INPP4B: variants seen among roughly 807,000 people sequenced by gnomAD.
INPP4B encodes the protein inositol polyphosphate-4-phosphatase type II B.
A neutral mutation model predicts 122.5 loss-of-function variants in INPP4B; 55 were observed. That is an observed-to-expected ratio of 0.45 (90% CI 0.36 to 0.56). The LOEUF is 0.56. INPP4B is among the 20% of genes least tolerant of loss of function. The pLI is 0.00. For synonymous variants in INPP4B, 403 were observed against 388.7 expected, an observed-to-expected ratio of 1.04 and a Z score of -0.43; for missense variants, 1,000 against 1,097.7, an observed-to-expected ratio of 0.91 and a Z score of 1.26.
chr4:142,234,987 G>A (rs1488062515), intron 12 of INPP4B, among the ~76,000 whole-genome samples: 1 of 152,162 alleles, frequency 6.6e-6, no homozygotes, highest in East Asian at 1.9e-4. Context: ...TAATGACAGT[G>A]GCTATGCCTA....
At chr4:142,632,105 G>A (rs1366816388) in intron 2 of INPP4B, among the ~76,000 whole-genome samples, 1 of 152,128 alleles carries the variant, frequency 6.6e-6, no homozygotes, top group Admixed American at 6.6e-5. Flanking sequence ...CAACAACAAG[G>A]TTTGACATGT....
At position 142,488,934 on chromosome 4, in the gene INPP4B, C is replaced by T. The variant is rs78002507; in HGVS notation, c.-190-26208G>A. 4.0e-4 allele frequency among the ~76,000 whole-genome samples: 61 copies of T among 151,958 alleles called. 1 individual carries two copies. The highest frequency in any genetic ancestry group is 3.6e-3 in the Admixed American group (55 of 15,238). On this transcript the variant is annotated intron_variant, in intron 2 of 25. Coordinates refer to ENST00000262992, the MANE Select transcript of INPP4B (RefSeq NM_001101669.3). ...TACTCTCCCTTTTCAAGCCTTTTAA[C>T]GTGAAAACTTAGTTAACTAATATGA...
intron 2 of INPP4B, among the ~76,000 whole-genome samples, chr4:142,713,220 A>C (rs1166334873): frequency 1.3e-5 from 2 of 152,208 alleles, no homozygotes. Flanking sequence ...AATCTATAGA[A>C]GGAAGAGATT....
chr4:142,296,556 A>G (rs1758775703), intron 9 of INPP4B, among the ~76,000 whole-genome samples: 1 of 152,242 alleles, frequency 6.6e-6, no homozygotes, highest in Admixed American at 6.5e-5. Context: ...TATGTGTCAG[A>G]CACTGTTGTA....
At chr4:142,270,044 G>A (rs1274543171) in intron 10 of INPP4B, among the ~76,000 whole-genome samples, 1 of 152,070 alleles carries the variant, frequency 6.6e-6, no homozygotes, top group African/African-American at 2.4e-5. Context: ...TAGTGAAAAG[G>A]AACAGAAAGA....
chr4:142,537,447 G>T (rs1273742560), intron 2 of INPP4B, among the ~76,000 whole-genome samples: 54 of 109,184 alleles, frequency 4.9e-4, no homozygotes, highest in African/African-American at 1.2e-3. Context: ...GAGAGAGAGA[G>T]AGAGAGAGAG....
intron 18 of INPP4B, among the ~76,000 whole-genome samples, chr4:142,142,188 G>A (rs570250670): frequency 1.1e-4 from 17 of 152,034 alleles, no homozygotes; most frequent in African/African-American, 4.1e-4. Context: ...AAATGGCTTG[G>A]GCTGGGATAA....
At position 142,803,183 on chromosome 4, in the gene INPP4B, AAAAGAAAG is replaced by A. The variant is rs1255828470; in HGVS notation, c.-254+43018_-254+43025del. Among the ~76,000 whole-genome samples, 298 of 146,802 alleles carry A rather than the reference AAAAGAAAG, an allele frequency of 2.0e-3. 2 individuals carry two copies. The highest frequency in any genetic ancestry group is 7.1e-3 in the Middle Eastern group (2 of 282). On this transcript the variant is annotated intron_variant, in intron 1 of 25. Coordinates refer to ENST00000262992, the MANE Select transcript of INPP4B (RefSeq NM_001101669.3). Reference sequence around the variant, plus strand: ...TGAGACTACGTCTCAAAAAAAAAAAAAAAGAAAGAAAGAAAGAAAGAAATGAAACATCA... The same window carrying A: ...TGAGACTACGTCTCAAAAAAAAAAAAAAAGAAAGAAAGAAATGAAACATCA...
intron 18 of INPP4B, among the ~76,000 whole-genome samples, chr4:142,125,881 T>C (rs1345643269): frequency 6.6e-6 from 1 of 152,092 alleles, no homozygotes; most frequent in Non-Finnish European, 1.5e-5. Flanking sequence ...TAAGTTTTAA[T>C]TGAATGAGAA....
intron 2 of INPP4B, among the ~76,000 whole-genome samples, chr4:142,504,547 C>T (rs1368258887): frequency 6.6e-6 from 1 of 152,082 alleles, no homozygotes; most frequent in Non-Finnish European, 1.5e-5. Flanking sequence ...TATTGTTCTT[C>T]TGTTCATTTG....
At chr4:142,481,236 G>T (rs1488937894) in intron 2 of INPP4B, among the ~76,000 whole-genome samples, 1 of 151,662 alleles carries the variant, frequency 6.6e-6, no homozygotes, top group Non-Finnish European at 1.5e-5. Flanking sequence ...ACTAGAAGCT[G>T]ATCTTTCTCC....
At chr4:142,628,377 C>T (rs1747038302) in intron 2 of INPP4B, among the ~76,000 whole-genome samples, 2 of 132,706 alleles carry the variant, frequency 1.5e-5, no homozygotes, top group Admixed American at 1.6e-4. Flanking sequence ...CACATGGACA[C>T]AGGAAGGGGA....
chr4:142,550,589 T>TATAC lies in INPP4B; in HGVS notation c.-190-87864_-190-87863insGTAT, dbSNP rs377548203. Among the ~76,000 whole-genome samples the TATAC allele has an allele frequency of 7.4e-4, 104 of 140,574 alleles. 1 individual carries two copies. The highest frequency in any genetic ancestry group is 3.1e-3 in the Admixed American group (42 of 13,542). The allele number at this position is 140,574 out of a possible 152,430, so 92.2% of individuals were successfully genotyped here. A position where few individuals can be genotyped will look rare whatever the true frequency, so the allele number is the denominator to read the frequency against. On this transcript the variant is annotated intron_variant, in intron 2 of 25. Coordinates refer to ENST00000262992, the MANE Select transcript of INPP4B (RefSeq NM_001101669.3). Reference sequence around the variant, plus strand: ...CTTTCATCATTATATATGTAATATATACACACACACACACACATATATATA... The same window carrying TATAC: ...CTTTCATCATTATATATGTAATATATATACACACACACACACACACATATATATA...
At chr4:142,382,504 T>C (rs770560688) in intron 7 of INPP4B, among the ~76,000 whole-genome samples, 1 of 149,310 alleles carries the variant, frequency 6.7e-6, no homozygotes, top group Non-Finnish European at 1.5e-5. Context: ...GAGACTCCGT[T>C]TCAAAAAAAA....
chr4:142,135,854 T>C (rs1488923815), intron 18 of INPP4B, among the ~76,000 whole-genome samples: 3 of 152,158 alleles, frequency 2.0e-5, no homozygotes, highest in African/African-American at 7.2e-5. Context: ...TGGAGTGCAG[T>C]GGTGCGATCT....
At chr4:142,279,544 G>GA (rs71586271) in intron 9 of INPP4B, among the ~76,000 whole-genome samples, 90 of 132,652 alleles carry the variant, frequency 6.8e-4, no homozygotes, top group East Asian at 1.1e-3. Context: ...CATCCATTTG[G>GA]AAAAAAAATA....
At chr4:142,599,829 T>C (rs918280601) in intron 2 of INPP4B, among the ~76,000 whole-genome samples, 4 of 151,854 alleles carry the variant, frequency 2.6e-5, no homozygotes, top group African/African-American at 9.7e-5. Context: ...CAGAGATATA[T>C]ATCTTAAAAA....
chr4:142,265,498 G>T (rs1742308382), intron 10 of INPP4B, among the ~76,000 whole-genome samples: 1 of 152,152 alleles, frequency 6.6e-6, no homozygotes, highest in South Asian at 2.1e-4. Flanking sequence ...TGCATTTGCA[G>T]TTCTAAAAAG....
chr4:142,763,635 C>T (rs1425166807), intron 1 of INPP4B, among the ~76,000 whole-genome samples: 1 of 152,046 alleles, frequency 6.6e-6, no homozygotes, highest in Non-Finnish European at 1.5e-5. Context: ...GTACTTGTTG[C>T]TTTTCTAAAG....
Sources: gnomAD v4.1 joint callset for allele counts (sites outside exome capture counted in the v4.1 genomes callset) on GRCh38, gnomAD v4.1.1 for gene constraint, MANE v1.5 for transcripts, NCBI Gene and HGNC (gene_info 2026-07-23, HGNC 2026-07-21) for gene names.